Variants in RPA3 observed in about 807,000 individuals in gnomAD.
RPA3 encodes replication protein A 14 kDa subunit.
In RPA3, 24 loss-of-function variants were observed where a neutral mutation model predicts 13.7. That is an observed-to-expected ratio of 1.75 (90% CI 1.27 to 2.46). RPA3 has a LOEUF of 2.46. Ranked by LOEUF, RPA3 falls within the 30% of genes most tolerant of loss-of-function variation. The pLI is 0.00. For synonymous variants in RPA3, 59 were observed against 51.2 expected, an observed-to-expected ratio of 1.15 and a Z score of -0.65; for missense variants, 183 against 151.0, an observed-to-expected ratio of 1.21 and a Z score of -1.11.
chr7:7,681,986 A>G (rs1229631267), intron 4 of RPA3, among the ~76,000 whole-genome samples: 1 of 152,216 alleles, frequency 6.6e-6, no homozygotes, highest in Non-Finnish European at 1.5e-5. Flanking sequence ...ATAAATGAAA[A>G]GGAACAATTT....
intron 4 of RPA3, among the ~76,000 whole-genome samples, chr7:7,670,743 T>C (rs1779586175): frequency 6.6e-6 from 1 of 152,182 alleles, no homozygotes; most frequent in Non-Finnish European, 1.5e-5. Context: ...CCTTTACCCT[T>C]ACACCCTGGT....
At chr7:7,649,305 A>G (rs1449454864) in intron 4 of RPA3, among the ~76,000 whole-genome samples, 4 of 152,202 alleles carry the variant, frequency 2.6e-5, no homozygotes, top group Admixed American at 2.0e-4. Context: ...GCAAGAGACC[A>G]TGAGAGAAAT....
intron 3 of RPA3, among the ~76,000 whole-genome samples, chr7:7,686,912 C>T (rs1780054406): frequency 6.6e-6 from 1 of 152,160 alleles, no homozygotes; most frequent in Non-Finnish European, 1.5e-5. Flanking sequence ...CTTCCCTTAT[C>T]CTGGAATGTG....
At chr7:7,672,807 C>T (rs1779640073) in intron 4 of RPA3, among the ~76,000 whole-genome samples, 1 of 152,278 alleles carries the variant, frequency 6.6e-6, no homozygotes, top group Admixed American at 6.5e-5. Flanking sequence ...TGAGAATGGA[C>T]TAATACAGGT....
chr7:7,671,017 T>G (rs1779592316), intron 4 of RPA3, among the ~76,000 whole-genome samples: 1 of 152,148 alleles, frequency 6.6e-6, no homozygotes, highest in African/African-American at 2.4e-5. Flanking sequence ...ACAACGGAAA[T>G]GGGCACTGGG....
chr7:7,718,510 C>T lies in RPA3; in HGVS notation c.-1080+5G>A, dbSNP rs1437341521. 6.6e-6 allele frequency: 1 copy of T among 152,186 alleles called. No individual in the cohort carries two copies. Among genetic ancestry groups the T allele is most frequent in the Non-Finnish European group, 1.5e-5 (1 of 68,024 alleles). The allele number at this position is 152,186 out of a possible 1,614,324, so 9.4% of individuals were successfully genotyped here. On this transcript the variant is annotated splice_donor_5th_base_variant and intron_variant, in intron 1 of 7. Transcript: ENST00000223129. ...TGTATCCAACAAATTCAAACAGATACTTACAAAATTAAGACGATTGTAAAT... is the reference window on the plus strand; with the variant it reads ...TGTATCCAACAAATTCAAACAGATATTTACAAAATTAAGACGATTGTAAAT...
chr7:7,681,169 C>A (rs1199377955), intron 4 of RPA3, among the ~76,000 whole-genome samples: 2 of 152,016 alleles, frequency 1.3e-5, no homozygotes, highest in Non-Finnish European at 2.9e-5. Flanking sequence ...CCTTATGTGG[C>A]CTTTATAACC....
intron 2 of RPA3, among the ~76,000 whole-genome samples, chr7:7,687,902 C>T (rs746092621): frequency 2.0e-4 from 31 of 152,182 alleles, no homozygotes; most frequent in Non-Finnish European, 3.8e-4. Context: ...TTATTTCTGG[C>T]ATCCATCATT....
At chr7:7,686,160 T>C (rs879353851) in intron 3 of RPA3, among the ~76,000 whole-genome samples, 162 bp from the exon 4 acceptor site, 2 of 152,214 alleles carry the variant, frequency 1.3e-5, no homozygotes, top group Admixed American at 6.5e-5. Flanking sequence ...TTATAAGGTA[T>C]GGTAGAGGAG....
At chr7:7,638,511 T>A (rs1784900573) in intron 6 of RPA3, 1 of 152,748 alleles carries the variant, frequency 6.5e-6, no homozygotes, top group South Asian at 2.1e-4. Context: ...AAGACCAGCC[T>A]GAGGAACATA....
chr7:7,640,701 TA>T lies in RPA3; in HGVS notation c.-284del, dbSNP rs980724389. 2.9e-5 allele frequency: 12 copies of T among 419,164 alleles called. No homozygotes were observed. Among genetic ancestry groups the T allele is most frequent in the African/African-American group, 1.9e-4 (9 of 48,614 alleles). The allele number at this position is 419,164 out of a possible 1,614,324, so 26.0% of individuals were successfully genotyped here. A position where few individuals can be genotyped will look rare whatever the true frequency, so the allele number is the denominator to read the frequency against. On this transcript the variant is annotated 5_prime_UTR_variant, in exon 5 of 8. Transcript: ENST00000223129. ...AGAGGCAGTGGAGGCGGGACTTGGA[TA>T]GGGGCGGAACCTGAGACTACCTTTC...
chr7:7,638,887 G>C (rs1411799523), intron 6 of RPA3, 183 bp downstream of exon 6: 13 of 416,716 alleles, frequency 3.1e-5, no homozygotes, highest in Non-Finnish European at 5.5e-5. Flanking sequence ...AAAATCATTG[G>C]TTAAAAATGT....
chr7:7,664,230 C>T (rs1583708191), intron 4 of RPA3, among the ~76,000 whole-genome samples: 1 of 152,020 alleles, frequency 6.6e-6, no homozygotes, highest in African/African-American at 2.4e-5. Context: ...ATTCATAATA[C>T]CACTTTTCCA....
In RPA3 at chr7:7,650,092, G is replaced by A. The variant is rs535790497; in HGVS notation, c.-757-8917C>T. Among the ~76,000 whole-genome samples, 17 of 152,294 alleles carry A rather than the reference G, an allele frequency of 1.1e-4. 1 individual carries two copies. The highest frequency in any genetic ancestry group is 3.9e-4 in the East Asian group (2 of 5,188). ...AAGCATGCATATTAATCTTGAAGTC[G>A]AAAGTTACTTTGGGTCAAGACAGAA... On this transcript the variant is annotated intron_variant, in intron 4 of 7. Coordinates refer to ENST00000223129, the MANE Select transcript of RPA3 (RefSeq NM_002947.5).
chr7:7,644,917 C>G (rs4720746), intron 4 of RPA3, among the ~76,000 whole-genome samples: 98,547 of 152,062 alleles, frequency 0.65, 32,301 homozygotes, highest in East Asian at 0.88. Flanking sequence ...AAAAGTAACA[C>G]CTGAATGTCA....
At chr7:7,664,202 C>T (rs1779372222) in intron 4 of RPA3, among the ~76,000 whole-genome samples, 1 of 151,888 alleles carries the variant, frequency 6.6e-6, no homozygotes, top group African/African-American at 2.4e-5. Flanking sequence ...GATAAAGTCC[C>T]CTACTTTTCC....
At chr7:7,714,751 G>GT (rs1175661852) in intron 2 of RPA3, among the ~76,000 whole-genome samples, 1 of 151,988 alleles carries the variant, frequency 6.6e-6, no homozygotes, top group Non-Finnish European at 1.5e-5. Flanking sequence ...GTTAAAGCAA[G>GT]TAACAGGTTG....
intron 4 of RPA3, among the ~76,000 whole-genome samples, chr7:7,677,991 T>C (rs1779791533): frequency 6.6e-6 from 1 of 152,212 alleles, no homozygotes; most frequent in Non-Finnish European, 1.5e-5. Context: ...CATCTGTTGA[T>C]GGAGACACTT....
rs1301929033 is a variant in RPA3, at chr7:7,640,464, G to A, written c.-46C>T. On this transcript the variant is annotated 5_prime_UTR_variant, in exon 5 of 8. Coordinates refer to ENST00000223129, the MANE Select transcript of RPA3 (RefSeq NM_002947.5). ...GCTGGCGGGAAACCCACGGACGACT[G>A]AAACTGTGCGCCCCGCGGGTGTCTA... 7 of 1,568,776 alleles carry A rather than the reference G, an allele frequency of 4.5e-6. No homozygotes were observed. The highest frequency in any genetic ancestry group is 6.1e-6 in the Non-Finnish European group (7 of 1,142,434).
Sources: gnomAD v4.1 joint callset for allele counts (sites outside exome capture counted in the v4.1 genomes callset) on GRCh38, gnomAD v4.1.1 for gene constraint, MANE v1.5 for transcripts, NCBI Gene and HGNC (gene_info 2026-07-23, HGNC 2026-07-21) for gene names.